The following UPRT variants were observed in gnomAD, a reference collection of about 807,000 sequenced individuals.
UPRT encodes the protein RP11-311P8.3.
In UPRT, 5 loss-of-function variants were observed where a neutral mutation model predicts 22.6. The ratio of observed to expected loss-of-function variants is 0.22; its 90% CI spans 0.12 to 0.47. The LOEUF is 0.47. Among genes scored for constraint, UPRT ranks in the 20% least tolerant of loss-of-function variants. UPRT has a pLI of 0.99. For missense variants in UPRT, 181 were observed against 239.9 expected (o/e 0.75, Z 1.62); for synonymous variants, 77 against 87.7 (o/e 0.88, Z 0.68).
intron 4 of UPRT, among the ~76,000 whole-genome samples, chrX:75,252,151 T>G (rs1340966717): frequency 4.5e-5 from 5 of 111,798 alleles, no homozygotes; most frequent in Admixed American, 9.5e-5. Context: ...CATAGGCATG[T>G]GTAAGGACTT....
intron 4 of UPRT, among the ~76,000 whole-genome samples, chrX:75,200,830 A>G (rs1339613098): frequency 9.0e-6 from 1 of 111,235 alleles, no homozygotes; most frequent in African/African-American, 3.3e-5. Flanking sequence ...CTGTAGTTCT[A>G]GCTACTCAGC....
intron 4 of UPRT, among the ~76,000 whole-genome samples, chrX:75,244,274 T>C (rs1272752837): frequency 5.4e-5 from 6 of 112,117 alleles, no homozygotes; most frequent in Admixed American, 1.9e-4. Context: ...TCTTTGAATC[T>C]CTGAATGTGT....
intron 4 of UPRT, among the ~76,000 whole-genome samples, chrX:75,244,437 G>GA (rs986076395): frequency 2.7e-5 from 3 of 111,708 alleles, no homozygotes; most frequent in Non-Finnish European, 5.7e-5. Context: ...ATATGGAACT[G>GA]AAAAAGAGCC....
rs751552582 is a variant in UPRT, at chrX:75,253,007, A to C, written c.-446-38017A>C. 1.1e-4 allele frequency among the ~76,000 whole-genome samples: 12 copies of C among 110,713 alleles called. No homozygotes were observed. In the East Asian group the frequency reaches 3.4e-3, roughly 32 times the overall value. On this transcript the variant is annotated intron_variant, in intron 4 of 13. Coordinates refer to the UPRT transcript ENST00000652605. Reference sequence around the variant, plus strand: ...AATTGAACAATGAGAACACATGGACACAGGTAGGGGAACATTACACTGTGG... The same window carrying C: ...AATTGAACAATGAGAACACATGGACCCAGGTAGGGGAACATTACACTGTGG...
intron 4 of UPRT, among the ~76,000 whole-genome samples, chrX:75,236,332 A>T (rs1290341484): frequency 8.9e-6 from 1 of 111,917 alleles, no homozygotes; most frequent in Admixed American, 9.5e-5. Flanking sequence ...TTCCATGCTC[A>T]TGGGTAGGAA....
chrX:75,297,380 T>A, intron 3 of UPRT, 111 bp from the exon 4 acceptor site: 1 of 668,335 alleles, frequency 1.5e-6, no homozygotes, highest in East Asian at 3.4e-5. Context: ...ATACAGTGTG[T>A]CTGAACAAGG....
upstream of UPRT, among the ~76,000 whole-genome samples, chrX:75,270,237 T>G (rs1292634764): frequency 9.0e-6 from 1 of 111,634 alleles, no homozygotes; most frequent in Non-Finnish European, 1.9e-5. Context: ...ATGGTGATCA[T>G]TAAAAAGTCA....
At chrX:75,223,423 C>T (rs2082415587) in intron 4 of UPRT, among the ~76,000 whole-genome samples, 1 of 111,210 alleles carries the variant, frequency 9.0e-6, no homozygotes, top group African/African-American at 3.3e-5. Context: ...CTTTCCTAGA[C>T]TTGCGTTGCT....
At chrX:75,222,409 G>C (rs1158073958) in intron 4 of UPRT, among the ~76,000 whole-genome samples, 3 of 111,821 alleles carry the variant, frequency 2.7e-5, no homozygotes, top group Non-Finnish European at 3.8e-5. Context: ...CCAGGCTTCT[G>C]TTCTTCCCTT....
chrX:75,195,928 A>T (rs1462069957), intron 4 of UPRT, among the ~76,000 whole-genome samples: 2 of 112,001 alleles, frequency 1.8e-5, no homozygotes, highest in Non-Finnish European at 3.8e-5. Flanking sequence ...AAACTTAAAA[A>T]ATAAAATACA....
rs1399849804 is a variant in UPRT at position 75,164,108 on chromosome X, C to T, written c.-521+883C>T. Among the ~76,000 whole-genome samples, 9 of 111,366 alleles carry T rather than the reference C, an allele frequency of 8.1e-5. No homozygotes were observed. In the Admixed American group the frequency reaches 8.6e-4, roughly 11 times the overall value. ...AGGAGAATCGCTTGAACTCAGGAGG[C>T]AGAAGTTGTTGTGAGCCAAGATCAT... On this transcript the variant is annotated intron_variant, in intron 3 of 13. Transcript: ENST00000652605.
chrX:75,180,681 G>GTTTTTTTTTTTGTTTTTTTTTTTTTT, intron 4 of UPRT, among the ~76,000 whole-genome samples: 1 of 43,893 alleles, frequency 2.3e-5, no homozygotes, highest in Admixed American at 3.6e-4. Context: ...CCTTTTCTCT[G>GTTTTTTTTTTTGTTTTTTTTTTTTTT]TTTTTTTTTT....
chrX:75,261,484 T>C (rs2082567610), intron 4 of UPRT, among the ~76,000 whole-genome samples: 1 of 111,770 alleles, frequency 8.9e-6, no homozygotes, highest in Admixed American at 9.5e-5. Context: ...GTTGAATCTC[T>C]GAATACACCA....
At chrX:75,236,172 A>C (rs1244088775) in intron 4 of UPRT, among the ~76,000 whole-genome samples, 1 of 111,627 alleles carries the variant, frequency 9.0e-6, no homozygotes, top group East Asian at 2.8e-4. Flanking sequence ...ACAGAGAGCC[A>C]AATCATGATT....
At chrX:75,196,586 C>T in intron 4 of UPRT, among the ~76,000 whole-genome samples, 1 of 112,205 alleles carries the variant, frequency 8.9e-6, no homozygotes, top group Non-Finnish European at 1.9e-5. Flanking sequence ...GTGGCTCACT[C>T]CTGTAATCCC....
chrX:75,272,548 A>T (rs2082614825), upstream of UPRT, among the ~76,000 whole-genome samples: 1 of 107,268 alleles, frequency 9.3e-6, no homozygotes, highest in African/African-American at 3.4e-5. Context: ...ATACAAAGGC[A>T]TATGAATGAT....
At chrX:75,172,904 C>T (rs1287136684) in intron 4 of UPRT, among the ~76,000 whole-genome samples, 13 of 110,935 alleles carry the variant, frequency 1.2e-4, no homozygotes, top group East Asian at 5.7e-4. Context: ...TTGTAAAGAG[C>T]GAAAGAACAA....
chrX:75,179,513 G>A (rs1056156200), intron 4 of UPRT, among the ~76,000 whole-genome samples: 11 of 113,476 alleles, frequency 9.7e-5, no homozygotes, highest in East Asian at 2.8e-4. Context: ...CCATGCGCTC[G>A]CACTCCTCAG....
At chrX:75,175,824 G>A (rs754031835) in intron 4 of UPRT, among the ~76,000 whole-genome samples, 10 of 111,567 alleles carry the variant, frequency 9.0e-5, no homozygotes, top group Non-Finnish European at 1.9e-4. Flanking sequence ...GTTTGTCTGA[G>A]GGCCATGACT....
Sources: allele counts gnomAD v4.1 joint callset (sites outside exome capture counted in the v4.1 genomes callset), GRCh38; gene constraint gnomAD v4.1.1; transcripts MANE v1.5; gene names NCBI Gene and HGNC (gene_info 2026-07-23, HGNC 2026-07-21).